Variants in GRID2 observed in about 807,000 individuals in gnomAD.
GRID2 encodes glutamate receptor ionotropic, delta-2.
GRID2 carries 33 observed loss-of-function variants against 114.8 expected under a neutral mutation model. That is an observed-to-expected ratio of 0.29 (90% CI 0.22 to 0.38). The LOEUF (loss-of-function observed/expected upper bound fraction) is 0.38, where lower values mean the gene tolerates loss of function less well. Among genes scored for constraint, GRID2 ranks in the 10% least tolerant of loss-of-function variants. The probability of loss-of-function intolerance (pLI) is 1.00; values close to 1 mark genes in which losing one functional copy is unlikely to be tolerated. For missense variants in GRID2, 1,184 were observed against 1,257.7 expected, an observed-to-expected ratio of 0.94 and a Z score of 0.89; for synonymous variants, 505 against 449.9, an observed-to-expected ratio of 1.12 and a Z score of -1.55.
At chr4:92,665,340 G>T (rs1732720635) in intron 2 of GRID2, among the ~76,000 whole-genome samples, 1 of 148,654 alleles carries the variant, frequency 6.7e-6, no homozygotes, top group Non-Finnish European at 1.5e-5. Context: ...ACCCTGTTCA[G>T]TAGTTCAGCT....
intron 2 of GRID2, among the ~76,000 whole-genome samples, chr4:92,632,450 A>G (rs886385223): frequency 2.0e-5 from 3 of 152,040 alleles, no homozygotes; most frequent in Non-Finnish European, 4.4e-5. Context: ...CCTGGTCAAC[A>G]ATGCAAAACC....
chr4:92,533,202 T>TTG (rs1189650069), intron 1 of GRID2, among the ~76,000 whole-genome samples: 5 of 146,910 alleles, frequency 3.4e-5, no homozygotes, highest in Admixed American at 6.8e-5. Context: ...GTTTTTTTTG[T>TTG]TTTTTTTTTG....
At chr4:92,900,294 C>T (rs1321018841) in intron 2 of GRID2, among the ~76,000 whole-genome samples, 2 of 152,002 alleles carry the variant, frequency 1.3e-5, no homozygotes, top group Non-Finnish European at 2.9e-5. Flanking sequence ...TTAGGGGGTA[C>T]GAGTGCAGTT....
Position 92,432,159 on chromosome 4 carries a change from G to T in GRID2, c.88+127415G>T, listed in dbSNP as rs997255349. The stretch of plus-strand genomic sequence containing the variant: ...GGAGGAGTGACACAAGCATCTTTGT[G>T]GCCACCACCACTAGGACTGCTCTGG... On this transcript the variant is annotated intron_variant, in intron 1 of 15. Transcript: ENST00000282020. Among the ~76,000 whole-genome samples, 12 of 152,162 alleles carry T rather than the reference G, an allele frequency of 7.9e-5. No individual in the cohort carries two copies. The East Asian group carries it at 2.3e-3, about 30-fold the overall frequency.
intron 2 of GRID2, among the ~76,000 whole-genome samples, chr4:92,996,472 C>T (rs1198489821): frequency 6.6e-6 from 1 of 152,064 alleles, no homozygotes; most frequent in Non-Finnish European, 1.5e-5. Context: ...ACACAGAAGA[C>T]ATAAACCTCA....
rs70940884 is a variant in GRID2 at position 92,399,665 on chromosome 4, C to CTA, written c.88+94940_88+94941dup. Among the ~76,000 whole-genome samples, 103 of 133,880 alleles carry CTA rather than the reference C, an allele frequency of 7.7e-4. 1 individual carries two copies. Among genetic ancestry groups the CTA allele is most frequent in the South Asian group, 1.9e-3 (8 of 4,258 alleles). The allele number at this position is 133,880 out of a possible 152,430, so 87.8% of individuals were successfully genotyped here. On this transcript the variant is annotated intron_variant, in intron 1 of 15. Transcript: ENST00000282020. ...TCTCTCTCTCTCTCTCTCTCTCTCT[C>CTA]TATATATATATATATATATACATAC...
At chr4:92,485,300 GCATATATA>G (rs1163069846) in intron 1 of GRID2, among the ~76,000 whole-genome samples, 7 of 35,148 alleles carry the variant, frequency 2.0e-4, no homozygotes, top group Non-Finnish European at 3.0e-4. Context: ...TAAGGTGTGT[GCATATATA>G]TATATATATA....
chr4:93,200,519 T>C (rs1478355514), intron 4 of GRID2, among the ~76,000 whole-genome samples: 3 of 151,788 alleles, frequency 2.0e-5, no homozygotes, highest in African/African-American at 7.3e-5. Context: ...TGAGCCGAGA[T>C]CGCGCCACTG....
chr4:92,374,528 C>T (rs1443731808), intron 1 of GRID2, among the ~76,000 whole-genome samples: 1 of 152,106 alleles, frequency 6.6e-6, no homozygotes, highest in Non-Finnish European at 1.5e-5. Flanking sequence ...TCAGGACCTC[C>T]TGAGGGCTGT....
chr4:92,638,579 G>A (rs1018667537), intron 2 of GRID2, among the ~76,000 whole-genome samples: 1 of 149,366 alleles, frequency 6.7e-6, no homozygotes, highest in African/African-American at 2.4e-5. Flanking sequence ...TCTTTTATGT[G>A]ATAATGAAAT....
At chr4:92,609,382 T>A (rs1209235440) in intron 2 of GRID2, among the ~76,000 whole-genome samples, 3 of 151,062 alleles carry the variant, frequency 2.0e-5, no homozygotes, top group Non-Finnish European at 4.4e-5. Flanking sequence ...GAATGTATAT[T>A]CTAGTTGAAG....
chr4:93,547,764 C>G (rs980633017), intron 13 of GRID2, among the ~76,000 whole-genome samples: 3 of 152,170 alleles, frequency 2.0e-5, no homozygotes, highest in African/African-American at 7.2e-5. Context: ...AGCCACGTAC[C>G]TGACCTAAGT....
At chr4:92,921,167 A>G (rs1369807809) in intron 2 of GRID2, among the ~76,000 whole-genome samples, 1 of 151,912 alleles carries the variant, frequency 6.6e-6, no homozygotes, top group Admixed American at 6.6e-5. Context: ...TACATTCATC[A>G]TGTAGTTCTC....
intron 2 of GRID2, among the ~76,000 whole-genome samples, chr4:92,816,007 A>G (rs1740885216): frequency 6.6e-6 from 1 of 151,084 alleles, no homozygotes; most frequent in Non-Finnish European, 1.5e-5. Flanking sequence ...CAAAAGAGCA[A>G]TATTGTTTTT....
chr4:93,273,249 T>C (rs1027288145), intron 8 of GRID2, among the ~76,000 whole-genome samples: 1 of 152,230 alleles, frequency 6.6e-6, no homozygotes, highest in Non-Finnish European at 1.5e-5. Flanking sequence ...AAAAATTACA[T>C]ATGAATGAAT....
intron 2 of GRID2, among the ~76,000 whole-genome samples, chr4:93,066,981 G>A (rs535392349): frequency 1.3e-5 from 2 of 152,142 alleles, no homozygotes; most frequent in African/African-American, 4.8e-5. Flanking sequence ...AAGCAGCATG[G>A]TGTGAGGTTT....
At chr4:92,348,416 G>A (rs1727890118) in intron 1 of GRID2, among the ~76,000 whole-genome samples, 1 of 152,110 alleles carries the variant, frequency 6.6e-6, no homozygotes, top group Non-Finnish European at 1.5e-5. Flanking sequence ...TCATTTCACA[G>A]AAAGAACAAT....
intron 13 of GRID2, among the ~76,000 whole-genome samples, chr4:93,606,052 G>C (rs933415350): frequency 5.5e-4 from 83 of 151,974 alleles, no homozygotes; most frequent in African/African-American, 2.0e-3. Context: ...AGATCACTTT[G>C]GGTCAGGAGT....
At chr4:92,591,834 G>T (rs1263282824) in intron 2 of GRID2, among the ~76,000 whole-genome samples, 1 of 151,924 alleles carries the variant, frequency 6.6e-6, no homozygotes, top group Non-Finnish European at 1.5e-5. Context: ...GTAAAAACTG[G>T]CTTTACAAAG....
Sources: gnomAD v4.1 joint callset for allele counts (sites outside exome capture counted in the v4.1 genomes callset) on GRCh38, gnomAD v4.1.1 for gene constraint, MANE v1.5 for transcripts, NCBI Gene and HGNC (gene_info 2026-07-23, HGNC 2026-07-21) for gene names.